The following PTPRO variants were observed in gnomAD, a reference collection of about 807,000 sequenced individuals.
The protein encoded by PTPRO is protein tyrosine phosphatase receptor type O.
PTPRO carries 62 observed loss-of-function variants against 145.2 expected under a neutral mutation model. The ratio of observed to expected loss-of-function variants is 0.43; its 90% CI spans 0.35 to 0.53. PTPRO has a LOEUF of 0.53. Ranked by LOEUF, PTPRO falls within the 20% of genes least tolerant of loss-of-function variation. PTPRO has a pLI of 0.01. For synonymous variants in PTPRO, 565 were observed against 514.7 expected (o/e 1.10, Z -1.32); for missense variants, 1,345 against 1,482.7 (o/e 0.91, Z 1.53).
chr12:15,334,021 A>G (rs1866685431), intron 1 of PTPRO, among the ~76,000 whole-genome samples: 1 of 152,174 alleles, frequency 6.6e-6, no homozygotes, highest in African/African-American at 2.4e-5. Flanking sequence ...TACGGTTTGA[A>G]AATGTCAAAT....
At chr12:15,534,280 A>G (rs1591697596) in intron 12 of PTPRO, among the ~76,000 whole-genome samples, 1 of 151,902 alleles carries the variant, frequency 6.6e-6, no homozygotes. Context: ...CAGTTTCCCA[A>G]CCTTAAAAAA....
intron 12 of PTPRO, among the ~76,000 whole-genome samples, chr12:15,540,862 A>G (rs1943165967): frequency 6.6e-6 from 1 of 152,204 alleles, no homozygotes; most frequent in African/African-American, 2.4e-5. Context: ...CCCATATTCT[A>G]TGCATTGTAC....
chr12:15,571,550 T>G (rs1050528018), intron 19 of PTPRO, among the ~76,000 whole-genome samples: 2 of 152,360 alleles, frequency 1.3e-5, no homozygotes, highest in Middle Eastern at 3.4e-3. Context: ...CCTCCCAAAG[T>G]GCTGGGATTA....
intron 1 of PTPRO, among the ~76,000 whole-genome samples, chr12:15,473,736 C>T (rs535501502): frequency 7.2e-6 from 1 of 139,414 alleles, no homozygotes; most frequent in African/African-American, 2.7e-5. Flanking sequence ...CACTGTGCTC[C>T]AGCCTGGGCA....
intron 2 of PTPRO, among the ~76,000 whole-genome samples, chr12:15,491,489 C>G (rs964055081): frequency 6.6e-6 from 1 of 152,048 alleles, no homozygotes; most frequent in Non-Finnish European, 1.5e-5. Context: ...TTCATGATCT[C>G]TCTTGAATGA....
At chr12:15,532,703 C>A (rs984369319) in intron 12 of PTPRO, among the ~76,000 whole-genome samples, 14 of 152,192 alleles carry the variant, frequency 9.2e-5, no homozygotes, top group Middle Eastern at 3.2e-3. Context: ...CAACTTCCAA[C>A]TTTGCATAAT....
chr12:15,579,164 C>T (rs2135640172), intron 20 of PTPRO, among the ~76,000 whole-genome samples: 1 of 152,208 alleles, frequency 6.6e-6, no homozygotes, highest in Admixed American at 6.5e-5. Context: ...TGCATCTGAA[C>T]AAAAAGACTG....
intron 1 of PTPRO, chr12:15,346,615 T>C (rs1867222432): frequency 6.6e-6 from 1 of 152,204 alleles, no homozygotes; most frequent in Non-Finnish European, 1.5e-5. Flanking sequence ...TTCTCAAGAA[T>C]ACCGAATGGT....
At chr12:15,459,992 A>ATG (rs1172411009) in intron 1 of PTPRO, among the ~76,000 whole-genome samples, 2 of 152,158 alleles carry the variant, frequency 1.3e-5, no homozygotes, top group African/African-American at 4.8e-5. Context: ...TCTGAGCCTC[A>ATG]TGTGTGTGTT....
intron 1 of PTPRO, among the ~76,000 whole-genome samples, chr12:15,411,867 A>G (rs181221179): frequency 5.0e-4 from 76 of 152,370 alleles, no homozygotes; most frequent in African/African-American, 1.8e-3. Context: ...TATCACAGTG[A>G]TGGCAAAATA....
Position 15,557,402 on chromosome 12 carries a change from G to A in PTPRO, c.2559-53G>A, listed in dbSNP as rs559903396. 6.5e-5 allele frequency: 95 copies of A among 1,469,698 alleles called. No homozygotes were observed. The African/African-American group carries it at 9.7e-4, about 15-fold the overall frequency. The allele number at this position is 1,469,698 out of a possible 1,614,324, so 91.0% of individuals were successfully genotyped here. Reference sequence around the variant, plus strand: ...AGACTCTCTTTACTTTTAGGTCAACGTAAGAATGCTTTGTCAAGCAGTAAC... The same window carrying A: ...AGACTCTCTTTACTTTTAGGTCAACATAAGAATGCTTTGTCAAGCAGTAAC... On this transcript the variant is annotated intron_variant, in intron 15 of 26. Coordinates refer to ENST00000281171, the MANE Select transcript of PTPRO (RefSeq NM_030667.3).
At chr12:15,504,752 A>G (rs1942288554) in intron 6 of PTPRO, among the ~76,000 whole-genome samples, 1 of 152,234 alleles carries the variant, frequency 6.6e-6, no homozygotes, top group African/African-American at 2.4e-5. Flanking sequence ...ATCAGTAGAA[A>G]GAAAAACCAG....
intron 1 of PTPRO, among the ~76,000 whole-genome samples, chr12:15,430,115 C>T (rs535743363): frequency 6.6e-6 from 1 of 151,532 alleles, no homozygotes; most frequent in Non-Finnish European, 1.5e-5. Flanking sequence ...TCTGGAACAC[C>T]GAGAAAATAG....
intron 23 of PTPRO, among the ~76,000 whole-genome samples, chr12:15,585,581 T>C (rs930747856): frequency 6.6e-6 from 1 of 152,222 alleles, no homozygotes; most frequent in African/African-American, 2.4e-5. Flanking sequence ...TCTTTATACG[T>C]TTATTTTCTG....
At chr12:15,475,969 G>A (rs1472845634) in intron 1 of PTPRO, among the ~76,000 whole-genome samples, 1 of 152,050 alleles carries the variant, frequency 6.6e-6, no homozygotes, top group East Asian at 1.9e-4. Flanking sequence ...ATCCCCTCTT[G>A]TAAAGTCTGT....
At chr12:15,539,177 G>C (rs12809183) in intron 12 of PTPRO, among the ~76,000 whole-genome samples, 12 of 152,086 alleles carry the variant, frequency 7.9e-5, no homozygotes, top group African/African-American at 2.9e-4. Flanking sequence ...TGGGAAGTGG[G>C]TGGATGATGA....
intron 1 of PTPRO, among the ~76,000 whole-genome samples, chr12:15,464,180 G>A (rs1321166130): frequency 6.6e-6 from 1 of 152,154 alleles, no homozygotes; most frequent in African/African-American, 2.4e-5. Flanking sequence ...CTTATGCAGG[G>A]AGGAGGAAAT....
intron 1 of PTPRO, among the ~76,000 whole-genome samples, chr12:15,354,234 T>A (rs1937906843): frequency 6.6e-6 from 1 of 152,214 alleles, no homozygotes; most frequent in African/African-American, 2.4e-5. Flanking sequence ...GAGTCATCCA[T>A]TTGTAAACTG....
At chr12:15,486,287 T>C (rs142518252) in intron 2 of PTPRO, among the ~76,000 whole-genome samples, 2 of 152,340 alleles carry the variant, frequency 1.3e-5, no homozygotes, top group East Asian at 3.9e-4. Context: ...TGACTATATG[T>C]AATGTCCCTC....
Sources: gnomAD v4.1 joint callset for allele counts (sites outside exome capture counted in the v4.1 genomes callset) on GRCh38, gnomAD v4.1.1 for gene constraint, MANE v1.5 for transcripts, NCBI Gene and HGNC (gene_info 2026-07-23, HGNC 2026-07-21) for gene names.